IQSEC1: variants seen among roughly 807,000 people sequenced by gnomAD.
IQSEC1 encodes the protein IQ motif and SEC7 domain-containing protein 1.
A neutral mutation model predicts 91.0 loss-of-function variants in IQSEC1; 31 were observed. That is an observed-to-expected ratio of 0.34 (90% confidence interval 0.26 to 0.46). The LOEUF (loss-of-function observed/expected upper bound fraction) is 0.46. IQSEC1 is among the 20% of genes least tolerant of loss of function. The pLI is 1.00. For synonymous variants in IQSEC1, 699 were observed against 662.6 expected, an observed-to-expected ratio of 1.05 and a Z score of -0.84; for missense variants, 1,388 against 1,575.6, an observed-to-expected ratio of 0.88 and a Z score of 2.02.
At chr3:13,048,751 C>A (rs144215489) in intron 1 of IQSEC1, among the ~76,000 whole-genome samples, 2 of 152,204 alleles carry the variant, frequency 1.3e-5, no homozygotes, top group African/African-American at 2.4e-5. Context: ...GCTGGTAGAT[C>A]CTATGTTCAG....
chr3:12,922,123 A>G lies in IQSEC1; in HGVS notation c.1850T>C (p.Phe617Ser). ...CCCCAGCCAGCCCGGGCCCCACCTGAACGCCTCTATGAGCCGCTCCACTTT... is the reference window on the plus strand; with the variant it reads ...CCCCAGCCAGCCCGGGCCCCACCTGGACGCCTCTATGAGCCGCTCCACTTT... ...AQKVERLIEA[F>S]SQRYCICNPG... Residue 617 changes from phenylalanine (F) to serine (S), a missense_variant, in exon 5 of 14, where the codon TTC (phenylalanine) becomes TCC (serine). Transcript: ENST00000613206. This position sits in a 1 kb window ranked among gnomAD's most constrained non-coding sequence, Gnocchi z 5.1. 1.3e-6 allele frequency: 2 copies of G among 1,595,278 alleles called. No individual in the cohort carries two copies. The highest frequency in any genetic ancestry group is 1.7e-6 in the Non-Finnish European group (2 of 1,167,708).
At chr3:13,244,745 G>T (rs936853259) in intron 1 of IQSEC1, among the ~76,000 whole-genome samples, 54 of 152,162 alleles carry the variant, frequency 3.5e-4, no homozygotes, top group African/African-American at 1.2e-3. Context: ...GTGGGCAGAA[G>T]ACTTTGGAGA....
intron 9 of IQSEC1, 141 bp downstream of exon 9, chr3:12,913,287 A>C (rs560839396): frequency 6.2e-4 from 502 of 816,046 alleles, no homozygotes; most frequent in Middle Eastern, 3.0e-3. Context: ...CTTCATGTGC[A>C]TCAGTGTGAA....
intron 1 of IQSEC1, among the ~76,000 whole-genome samples, chr3:13,272,733 G>A (rs1695610741): frequency 6.6e-6 from 1 of 152,220 alleles, no homozygotes; most frequent in South Asian, 2.1e-4. Flanking sequence ...CTGTGGGAGG[G>A]GGATGGAACT....
At chr3:13,132,895 C>G (rs903780175) in intron 2 of IQSEC1, among the ~76,000 whole-genome samples, 3 of 152,240 alleles carry the variant, frequency 2.0e-5, no homozygotes, top group Non-Finnish European at 4.4e-5. Context: ...TCTCCCCCAC[C>G]ACAACCCCCG....
intron 1 of IQSEC1, among the ~76,000 whole-genome samples, chr3:13,049,427 G>T (rs1314841160): frequency 6.6e-6 from 1 of 152,138 alleles, no homozygotes. Context: ...ACTGCAGGGA[G>T]CCCACCTCAG....
At chr3:13,216,454 C>T (rs1694552536) in intron 1 of IQSEC1, among the ~76,000 whole-genome samples, 1 of 152,134 alleles carries the variant, frequency 6.6e-6, no homozygotes, top group Non-Finnish European at 1.5e-5. Flanking sequence ...GGGCAGGGAG[C>T]CCCCCAGAGA....
chr3:12,943,860 C>T (rs765136518), intron 1 of IQSEC1, among the ~76,000 whole-genome samples: 24 of 152,222 alleles, frequency 1.6e-4, no homozygotes, highest in Non-Finnish European at 2.6e-4. Context: ...CTGCCCTGAG[C>T]CAGGGCTGGG....
chr3:13,233,421 G>T (rs960530508), intron 1 of IQSEC1, among the ~76,000 whole-genome samples: 1 of 152,214 alleles, frequency 6.6e-6, no homozygotes, highest in Non-Finnish European at 1.5e-5. Flanking sequence ...TCAGGCCCCT[G>T]TTCTGGCTGT....
At chr3:13,000,805 C>T (rs1364918793) in intron 1 of IQSEC1, among the ~76,000 whole-genome samples, 1 of 152,208 alleles carries the variant, frequency 6.6e-6, no homozygotes, top group Non-Finnish European at 1.5e-5. Context: ...CTGGTACCCA[C>T]TTTGTGTCAG....
At chr3:13,145,300 C>A (rs1252554567) in intron 2 of IQSEC1, among the ~76,000 whole-genome samples, 1 of 152,134 alleles carries the variant, frequency 6.6e-6, no homozygotes, top group Non-Finnish European at 1.5e-5. Flanking sequence ...TGGTGGCTCA[C>A]TACTCTCATC....
chr3:13,020,864 A>G (rs1458327725), intron 1 of IQSEC1, among the ~76,000 whole-genome samples: 1 of 152,140 alleles, frequency 6.6e-6, no homozygotes, highest in Non-Finnish European at 1.5e-5. Flanking sequence ...ATTTTGTTGC[A>G]GGTATTTTCT....
At chr3:13,110,997 A>AT (rs1309344996) in intron 2 of IQSEC1, among the ~76,000 whole-genome samples, 1 of 152,184 alleles carries the variant, frequency 6.6e-6, no homozygotes, top group Non-Finnish European at 1.5e-5. Context: ...GAGCATGAAG[A>AT]TGAGAGTTCA....
chr3:13,067,762 T>TG (rs1705284909), intron 1 of IQSEC1, among the ~76,000 whole-genome samples: 2 of 152,214 alleles, frequency 1.3e-5, no homozygotes, highest in Non-Finnish European at 2.9e-5. Flanking sequence ...AGCAAGGCAC[T>TG]TCCCTGGAAA....
chr3:13,277,137 A>AAAAAAAAAAAAAAAAAAAAAAAC (rs60347391), intron 1 of IQSEC1, among the ~76,000 whole-genome samples: 3 of 118,384 alleles, frequency 2.5e-5, no homozygotes, highest in African/African-American at 1.1e-4. Flanking sequence ...AAAAAAAAAA[A>AAAAAAAAAAAAAAAAAAAAAAAC]CAGAAAACAA....
intron 1 of IQSEC1, among the ~76,000 whole-genome samples, chr3:13,056,115 C>T (rs2125075814): frequency 6.6e-6 from 1 of 152,326 alleles, no homozygotes; most frequent in Non-Finnish European, 1.5e-5. Context: ...CAAGGCCTCA[C>T]CATGTGGCCC....
intron 1 of IQSEC1, among the ~76,000 whole-genome samples, chr3:12,950,618 A>G (rs1001138710): frequency 1.3e-5 from 2 of 151,780 alleles, no homozygotes; most frequent in Non-Finnish European, 2.9e-5. Flanking sequence ...ACCAGCCTGG[A>G]TAACATAATG....
chr3:13,095,536 G>A (rs1170184247), intron 2 of IQSEC1, among the ~76,000 whole-genome samples: 2 of 152,168 alleles, frequency 1.3e-5, no homozygotes, highest in East Asian at 3.9e-4. Flanking sequence ...AGGCCGAGTT[G>A]CTTCCTGCTC....
intron 1 of IQSEC1, among the ~76,000 whole-genome samples, chr3:12,978,669 C>T (rs1701305276): frequency 6.6e-6 from 1 of 151,360 alleles, no homozygotes. Context: ...TGCACCAGTG[C>T]ACTCCAACCT....
Sources: gnomAD v4.1 joint callset for allele counts (sites outside exome capture counted in the v4.1 genomes callset) on GRCh38, gnomAD v4.1.1 for gene constraint, Gnocchi (gnomAD v3.1) non-coding constraint, MANE v1.5 for transcripts, NCBI Gene and HGNC (gene_info 2026-07-23, HGNC 2026-07-21) for gene names.